Variants in GPC6 observed in about 807,000 individuals in gnomAD.
GPC6 encodes the protein glypican-6.
A neutral mutation model predicts 55.2 loss-of-function variants in GPC6; 14 were observed. The ratio of observed to expected loss-of-function variants is 0.25; its 90% CI spans 0.17 to 0.40. The LOEUF (loss-of-function observed/expected upper bound fraction) is 0.40, where lower values mean the gene tolerates loss of function less well. Ranked by LOEUF, GPC6 falls within the 10% of genes least tolerant of loss-of-function variation. GPC6 has a pLI of 1.00. For missense variants in GPC6, 641 were observed against 708.5 expected, an observed-to-expected ratio of 0.90 and a Z score of 1.08; for synonymous variants, 278 against 259.6, an observed-to-expected ratio of 1.07 and a Z score of -0.68.
intron 1 of GPC6, among the ~76,000 whole-genome samples, chr13:93,496,243 C>G (rs1346487030): frequency 6.6e-6 from 1 of 152,142 alleles, no homozygotes; most frequent in East Asian, 1.9e-4. Flanking sequence ...GTTTTTTAAG[C>G]TGGTCTGAAA....
At chr13:93,955,181 TC>T (rs912526148) in intron 3 of GPC6, among the ~76,000 whole-genome samples, 2 of 151,872 alleles carry the variant, frequency 1.3e-5, no homozygotes, top group African/African-American at 2.4e-5. Context: ...TCTTTTGATA[TC>T]TTCTTGCCAG....
intron 2 of GPC6, among the ~76,000 whole-genome samples, chr13:93,765,257 TAAGCTGTCTGGAAAGACAACTTTC>T: frequency 1.3e-5 from 1 of 78,650 alleles, no homozygotes; most frequent in African/African-American, 3.5e-5. Flanking sequence ...ACTTTCCAGA[TAAGCTGTCTGGAAAGACAACTTTC>T]CAGATAAGCT....
intron 6 of GPC6, among the ~76,000 whole-genome samples, chr13:94,375,606 T>A (rs1209559250): frequency 6.6e-6 from 1 of 150,826 alleles, no homozygotes; most frequent in Non-Finnish European, 1.5e-5. Flanking sequence ...CACAGCCGAA[T>A]TCTACCAGAG....
At chr13:93,259,294 C>T (rs1877057169) in intron 1 of GPC6, among the ~76,000 whole-genome samples, 1 of 152,100 alleles carries the variant, frequency 6.6e-6, no homozygotes, top group African/African-American at 2.4e-5. Flanking sequence ...CTCTATGGAA[C>T]TTTAGGGACT....
At chr13:93,750,160 T>A (rs994079725) in intron 2 of GPC6, among the ~76,000 whole-genome samples, 1 of 152,148 alleles carries the variant, frequency 6.6e-6, no homozygotes, top group Non-Finnish European at 1.5e-5. Context: ...TTTGGTAAGA[T>A]TTGTCTGTAA....
chr13:94,384,559 A>G (rs1880317796), intron 7 of GPC6, among the ~76,000 whole-genome samples: 2 of 152,184 alleles, frequency 1.3e-5, no homozygotes, highest in South Asian at 4.1e-4. Flanking sequence ...TTTTTTAAAA[A>G]AAGGCCATGG....
intron 4 of GPC6, among the ~76,000 whole-genome samples, chr13:94,122,691 C>T (rs577489170): frequency 2.0e-4 from 31 of 152,182 alleles, no homozygotes; most frequent in Admixed American, 9.2e-4. Context: ...ACTCTGCACA[C>T]GTCATAAATC....
chr13:93,568,724 GTC>G (rs1412269861), intron 2 of GPC6, among the ~76,000 whole-genome samples: 2 of 152,138 alleles, frequency 1.3e-5, no homozygotes, highest in Non-Finnish European at 2.9e-5. Flanking sequence ...ACCTGAGGCT[GTC>G]TCTGTCTGGC....
At chr13:93,620,548 C>A (rs1159049427) in intron 2 of GPC6, among the ~76,000 whole-genome samples, 1 of 152,156 alleles carries the variant, frequency 6.6e-6, no homozygotes, top group South Asian at 2.1e-4. Flanking sequence ...ATAAAGTGTG[C>A]AAAATGTGTT....
At chr13:94,270,140 A>G (rs2139061448) in intron 4 of GPC6, among the ~76,000 whole-genome samples, 1 of 152,326 alleles carries the variant, frequency 6.6e-6, no homozygotes. Flanking sequence ...TCTCTCTATG[A>G]GAATTCTATA....
intron 1 of GPC6, among the ~76,000 whole-genome samples, chr13:93,520,928 A>G (rs965263908): frequency 1.3e-5 from 2 of 151,944 alleles, no homozygotes; most frequent in Admixed American, 1.3e-4. Flanking sequence ...TGATGAGGTG[A>G]GCCAAAGAGT....
At chr13:93,218,114 CTT>C in the GPC6 span, among the ~76,000 whole-genome samples, 1 of 145,028 alleles carries the variant, frequency 6.9e-6, no homozygotes, top group Non-Finnish European at 1.5e-5. Context: ...CTAGCTCAGA[CTT>C]TTTTTTTTTT....
chr13:93,538,918 T>G (rs564657690), intron 1 of GPC6, among the ~76,000 whole-genome samples: 1 of 146,216 alleles, frequency 6.8e-6, no homozygotes, highest in South Asian at 2.2e-4. Flanking sequence ...TGATCATTTA[T>G]TACAATATTC....
chr13:93,235,169 G>T (rs1876192299), intron 1 of GPC6, among the ~76,000 whole-genome samples: 1 of 152,128 alleles, frequency 6.6e-6, no homozygotes, highest in Non-Finnish European at 1.5e-5. Context: ...ACAACGAGAG[G>T]TTGAAGCTGA....
intron 1 of GPC6, among the ~76,000 whole-genome samples, chr13:93,366,853 A>T (rs1881269191): frequency 6.6e-6 from 1 of 152,104 alleles, no homozygotes; most frequent in Non-Finnish European, 1.5e-5. Context: ...TTGTAATAAA[A>T]TCAGGTAAGT....
At chr13:93,785,248 C>T (rs1314237950) in intron 2 of GPC6, among the ~76,000 whole-genome samples, 19 of 151,894 alleles carry the variant, frequency 1.3e-4, no homozygotes. Flanking sequence ...GAGATAAGGG[C>T]CTATATTAAA....
In GPC6 at chr13:94,288,402, C is replaced by T. The variant is rs187189868; in HGVS notation, c.1008+1923C>T. Among the ~76,000 whole-genome samples the T allele has an allele frequency of 5.7e-4, 86 of 152,076 alleles. 1 individual carries two copies. Among genetic ancestry groups the T allele is most frequent in the East Asian group, 1.9e-4 (1 of 5,160 alleles). ...CCAAAGTATTTCTACAACATCAATACGGTCATGCACCACACCCACCTCCCT... is the reference window on the plus strand; with the variant it reads ...CCAAAGTATTTCTACAACATCAATATGGTCATGCACCACACCCACCTCCCT... On this transcript the variant is annotated intron_variant, in intron 5 of 8. Transcript: ENST00000377047.
At chr13:93,434,454 A>T (rs2139279147) in intron 1 of GPC6, among the ~76,000 whole-genome samples, 1 of 152,288 alleles carries the variant, frequency 6.6e-6, no homozygotes, top group East Asian at 1.9e-4. Context: ...ACAGTGAGGA[A>T]TAGGCCAATC....
At chr13:93,446,859 T>G (rs1878024078) in intron 1 of GPC6, among the ~76,000 whole-genome samples, 1 of 152,226 alleles carries the variant, frequency 6.6e-6, no homozygotes, top group African/African-American at 2.4e-5. Flanking sequence ...GTCATTACTT[T>G]TTTATTTTTT....
Sources: allele counts gnomAD v4.1 joint callset (sites outside exome capture counted in the v4.1 genomes callset), GRCh38; gene constraint gnomAD v4.1.1; transcripts MANE v1.5; gene names NCBI Gene and HGNC (gene_info 2026-07-23, HGNC 2026-07-21).